RIPOR3: variants seen among roughly 807,000 people sequenced by gnomAD.
RIPOR3 encodes family with sequence similarity 65 member C.
RIPOR3 carries 95 observed loss-of-function variants against 114.3 expected under a neutral mutation model. That is an observed-to-expected ratio of 0.83 (90% CI 0.70 to 0.99). RIPOR3 has a LOEUF of 0.99. Ranked by LOEUF, RIPOR3 falls within the 50% of genes least tolerant of loss-of-function variation. RIPOR3 has a pLI of 0.00. For synonymous variants in RIPOR3, 575 were observed against 543.8 expected (o/e 1.06, Z -0.80); for missense variants, 1,252 against 1,266.9 (o/e 0.99, Z 0.18).
chr20:50,604,128 T>C (rs944507942), intron 12 of RIPOR3, among the ~76,000 whole-genome samples: 3 of 148,126 alleles, frequency 2.0e-5, no homozygotes, highest in South Asian at 4.2e-4. Context: ...GAGGTTGCAG[T>C]GAGCTGACAT....
Position 50,609,959 on chromosome 20 carries a change from A to ACCTGCCACCC in RIPOR3, c.427-238_427-237insGGGTGGCAGG, listed in dbSNP as rs1568854323. ...TGCCTCACCTGCCTCACCTGCCACC[A>ACCTGCCACCC]CTGCCTCACCTGCCACCCCTACCAC... On this transcript the variant is annotated intron_variant, in intron 6 of 21. Coordinates refer to ENST00000327979, the MANE Select transcript of RIPOR3 (RefSeq NM_001290268.2). Among the ~76,000 whole-genome samples the ACCTGCCACCC allele has an allele frequency of 2.7e-4, 31 of 114,292 alleles. 1 individual carries two copies. Among genetic ancestry groups the ACCTGCCACCC allele is most frequent in the East Asian group, 7.9e-4 (3 of 3,790 alleles). The allele number at this position is 114,292 out of a possible 152,430, so 75.0% of individuals were successfully genotyped here.
chr20:50,596,052 G>A (rs1355457678), intron 15 of RIPOR3, 88 bp downstream of exon 15: 17 of 1,568,456 alleles, frequency 1.1e-5, no homozygotes, highest in Non-Finnish European at 1.4e-5. Flanking sequence ...ACCCCTTCAT[G>A]CTTCCCACCA....
At chr20:50,587,770 C>G in intron 21 of RIPOR3, 32 bp downstream of exon 21, 2 of 1,610,732 alleles carry the variant, frequency 1.2e-6, no homozygotes, top group Non-Finnish European at 1.7e-6. Flanking sequence ...CCAGGCACCC[C>G]GCTGCGCTGC....
intron 1 of RIPOR3, among the ~76,000 whole-genome samples, chr20:50,640,627 C>T (rs2085156942): frequency 6.7e-6 from 1 of 148,778 alleles, no homozygotes; most frequent in African/African-American, 2.6e-5. Context: ...GACACAGACC[C>T]TGCCCCCCTC....
At chr20:50,683,055 T>C (rs1023890581) in intron 1 of RIPOR3, among the ~76,000 whole-genome samples, 3 of 152,054 alleles carry the variant, frequency 2.0e-5, no homozygotes, top group East Asian at 3.9e-4. Flanking sequence ...GCAAGGGAAA[T>C]TGAGAAGATG....
At chr20:50,663,829 C>T (rs1326340028) in intron 1 of RIPOR3, among the ~76,000 whole-genome samples, 1 of 152,164 alleles carries the variant, frequency 6.6e-6, no homozygotes, top group Non-Finnish European at 1.5e-5. Flanking sequence ...CCTCACCTCT[C>T]TCACAATTTG....
intron 20 of RIPOR3, among the ~76,000 whole-genome samples, chr20:50,588,264 C>G (rs1021124488): frequency 6.6e-6 from 1 of 152,270 alleles, no homozygotes. Context: ...TCGCCCAACT[C>G]AGGCACATGC....
chr20:50,590,869 CA>C (rs2083085812), intron 19 of RIPOR3, among the ~76,000 whole-genome samples: 2 of 148,806 alleles, frequency 1.3e-5, no homozygotes, highest in Non-Finnish European at 3.0e-5. Flanking sequence ...GCCTGGGGTG[CA>C]GTAGCACAAT....
chr20:50,596,439 G>T (rs549738284), intron 14 of RIPOR3, among the ~76,000 whole-genome samples, 176 bp from the exon 15 acceptor site: 33 of 152,340 alleles, frequency 2.2e-4, no homozygotes, highest in African/African-American at 7.0e-4. Flanking sequence ...TCGAAACAGA[G>T]CTGGGAGGTG....
chr20:50,613,768 C>T (rs80212547), intron 4 of RIPOR3, among the ~76,000 whole-genome samples: 663 of 152,346 alleles, frequency 4.4e-3, no homozygotes, highest in Admixed American at 7.4e-3. Flanking sequence ...GGGTGAGACT[C>T]ACTGTACCCA....
At chr20:50,596,058 C>A in intron 15 of RIPOR3, 82 bp downstream of exon 15, 1 of 1,583,488 alleles carries the variant, frequency 6.3e-7, no homozygotes, top group South Asian at 1.1e-5. Context: ...TCATGCTTCC[C>A]ACCACCTTCA....
chr20:50,596,102 T>C (rs970324353), intron 15 of RIPOR3, 38 bp downstream of exon 15: 19 of 1,613,174 alleles, frequency 1.2e-5, no homozygotes, highest in African/African-American at 4.0e-5. Flanking sequence ...TCCAAACCCC[T>C]GTCTGCCCCT....
intron 1 of RIPOR3, among the ~76,000 whole-genome samples, chr20:50,671,436 A>G (rs909323615): frequency 5.1e-4 from 61 of 118,732 alleles, no homozygotes; most frequent in African/African-American, 2.1e-3. Context: ...GCGCACACAC[A>G]CACACACACA....
At chr20:50,587,700 C>G (rs1601425691) in intron 21 of RIPOR3, 102 bp downstream of exon 21, 1 of 1,141,020 alleles carries the variant, frequency 8.8e-7, no homozygotes, top group East Asian at 2.5e-5. Flanking sequence ...TCCCAGGTGC[C>G]CCAGAGTTGT....
intron 1 of RIPOR3, among the ~76,000 whole-genome samples, chr20:50,668,176 C>G (rs1036878160): frequency 6.6e-6 from 1 of 152,194 alleles, no homozygotes; most frequent in Middle Eastern, 3.2e-3. Context: ...CCGGCAGAGA[C>G]AGATCTCTTT....
chr20:50,592,651 C>G (rs2083151213), intron 18 of RIPOR3, 105 bp from the exon 19 acceptor site: 1 of 1,073,798 alleles, frequency 9.3e-7, no homozygotes, highest in Non-Finnish European at 1.3e-6. Flanking sequence ...GAACAAATCC[C>G]AGACCCACCG....
intron 20 of RIPOR3, among the ~76,000 whole-genome samples, chr20:50,589,084 GA>G (rs529410533): frequency 0.026 from 2,351 of 88,944 alleles, 2 homozygotes; most frequent in East Asian, 0.035. Flanking sequence ...TCCATCTCAA[GA>G]AAAAAAAAAA....
At chr20:50,613,757 G>A (rs1022697391) in intron 4 of RIPOR3, among the ~76,000 whole-genome samples, 3 of 152,202 alleles carry the variant, frequency 2.0e-5, no homozygotes, top group African/African-American at 7.2e-5. Flanking sequence ...CGAAGTCCAC[G>A]GGGTGAGACT....
At chr20:50,627,017 GA>G (rs1193955700) in intron 2 of RIPOR3, among the ~76,000 whole-genome samples, 2,716 of 122,974 alleles carry the variant, frequency 0.022, 54 homozygotes, top group African/African-American at 0.05. Context: ...TCCGTCTCAA[GA>G]AAAAAAAAAA....
Sources: allele counts gnomAD v4.1 joint callset (sites outside exome capture counted in the v4.1 genomes callset), GRCh38; gene constraint gnomAD v4.1.1; transcripts MANE v1.5; gene names NCBI Gene and HGNC (gene_info 2026-07-23, HGNC 2026-07-21).